The following CACNA1C variants were observed in gnomAD, a reference collection of about 807,000 sequenced individuals.
CACNA1C encodes voltage-dependent L-type calcium channel subunit alpha-1C.
In CACNA1C, 30 loss-of-function variants were observed where a neutral mutation model predicts 229.0. The ratio of observed to expected loss-of-function variants is 0.13; its 90% confidence interval spans 0.10 to 0.18. The LOEUF is 0.18. CACNA1C is among the 10% of genes least tolerant of loss of function. CACNA1C has a pLI of 1.00. For synonymous variants in CACNA1C, 1,114 were observed against 1,132.5 expected, an observed-to-expected ratio of 0.98 and a Z score of 0.33; for missense variants, 1,658 against 2,845.0, an observed-to-expected ratio of 0.58 and a Z score of 9.49.
chr12:2,042,992 C>T (rs181733195), intron 1 of CACNA1C, among the ~76,000 whole-genome samples: 106 of 152,250 alleles, frequency 7.0e-4, no homozygotes, highest in Admixed American at 1.2e-3. Context: ...AAGAGGAAGA[C>T]GTGTTTTGGG....
intron 3 of CACNA1C, among the ~76,000 whole-genome samples, chr12:2,126,018 G>T (rs931707271): frequency 1.3e-5 from 2 of 152,160 alleles, no homozygotes; most frequent in African/African-American, 4.8e-5. Flanking sequence ...CAAACGCATC[G>T]GCTTCCACCC....
intron 1 of CACNA1C, among the ~76,000 whole-genome samples, chr12:2,082,999 C>T (rs1483745652): frequency 6.6e-6 from 1 of 152,124 alleles, no homozygotes; most frequent in South Asian, 2.1e-4. Context: ...ATGGACTGTG[C>T]TGTTTGGTTT....
rs2091732488 is a variant in CACNA1C at position 2,633,953 on chromosome 12, G to A, written c.3829-344G>A. ...GCTCTGCCCGGCGCTGCCGGGCTGGGGCGTGGAGCTGAGCAGAGGGAGTGG... is the reference window on the plus strand; with the variant it reads ...GCTCTGCCCGGCGCTGCCGGGCTGGAGCGTGGAGCTGAGCAGAGGGAGTGG... On this transcript the variant is annotated intron_variant, in intron 29 of 46. Coordinates refer to ENST00000399655, the MANE Select transcript of CACNA1C (RefSeq NM_000719.7). This position sits in a 1 kb window ranked among gnomAD's most constrained non-coding sequence, Gnocchi z 5.8. 6.6e-6 allele frequency among the ~76,000 whole-genome samples: 1 copy of A among 152,128 alleles called. No individual in the cohort carries two copies. Among genetic ancestry groups the A allele is most frequent in the Admixed American group, 6.5e-5 (1 of 15,290 alleles).
intron 3 of CACNA1C, among the ~76,000 whole-genome samples, chr12:2,427,847 T>G (rs767256920): frequency 2.0e-5 from 3 of 152,108 alleles, no homozygotes; most frequent in Non-Finnish European, 4.4e-5. Context: ...CTTGAACTCC[T>G]TACCTCAAGT....
chr12:2,380,373 A>G (rs1458386897), intron 3 of CACNA1C, among the ~76,000 whole-genome samples: 2 of 152,176 alleles, frequency 1.3e-5, no homozygotes, highest in African/African-American at 4.8e-5. Context: ...AATTGAGGTG[A>G]CTAAAAAGCA....
chr12:2,326,412 C>T (rs1238676473), intron 3 of CACNA1C, among the ~76,000 whole-genome samples: 1 of 152,164 alleles, frequency 6.6e-6, no homozygotes, highest in Non-Finnish European at 1.5e-5. Context: ...GCTCTTCTAG[C>T]AATTTGGATG....
chr12:2,022,775 G>T (rs1165008289), intron 1 of CACNA1C, among the ~76,000 whole-genome samples: 2 of 152,098 alleles, frequency 1.3e-5, no homozygotes, highest in African/African-American at 4.8e-5. Flanking sequence ...TTAGCCTACG[G>T]TAAAATGGGT....
intron 30 of CACNA1C, among the ~76,000 whole-genome samples, chr12:2,637,415 C>T (rs1018514811): frequency 6.6e-6 from 1 of 152,180 alleles, no homozygotes. Context: ...AACTTACAAC[C>T]CACAGTCGAA....
At chr12:2,236,548 G>A (rs901040043) in intron 3 of CACNA1C, among the ~76,000 whole-genome samples, 1 of 151,838 alleles carries the variant, frequency 6.6e-6, no homozygotes, top group African/African-American at 2.4e-5. Context: ...CCCCTTTTTC[G>A]TATCTTTGCC....
At chr12:1,993,411 A>C in intron 1 of CACNA1C, 1 of 1,606,450 alleles carries the variant, frequency 6.2e-7, no homozygotes, top group Non-Finnish European at 8.5e-7. Flanking sequence ...ACAAGGAGTC[A>C]GGGGGAAATC....
In CACNA1C at chr12:2,287,160, C is replaced by T. The variant is rs963168665; in HGVS notation, c.478-161816C>T. ...CTGGGTTTCTCAAATTATGGCTTTT[C>T]CTCCTTCATGGTCTCCTGGTACTTT... On this transcript the variant is annotated intron_variant, in intron 3 of 46. Transcript: ENST00000399655. This position sits in a 1 kb window ranked among gnomAD's most constrained non-coding sequence, Gnocchi z 4.6. Among the ~76,000 whole-genome samples the T allele has an allele frequency of 6.6e-6, 1 of 152,182 alleles. No individual in the cohort carries two copies. The highest frequency in any genetic ancestry group is 1.5e-5 in the Non-Finnish European group (1 of 68,024).
chr12:2,635,082 TG>T (rs2092294281), intron 30 of CACNA1C, among the ~76,000 whole-genome samples: 1 of 152,176 alleles, frequency 6.6e-6, no homozygotes. Flanking sequence ...AGAGCTGCTC[TG>T]GGTGGACCTT....
At chr12:2,489,358 G>A (rs1309368755) in intron 6 of CACNA1C, among the ~76,000 whole-genome samples, 1 of 152,190 alleles carries the variant, frequency 6.6e-6, no homozygotes, top group East Asian at 1.9e-4. Context: ...AATTGTCCAG[G>A]TGAGCCATGT....
chr12:2,385,265 C>T (rs186975052), intron 3 of CACNA1C, among the ~76,000 whole-genome samples: 7 of 152,074 alleles, frequency 4.6e-5, no homozygotes, highest in Admixed American at 3.3e-4. Context: ...ACAGGAAGAC[C>T]GGCCCCCTCA....
At chr12:2,561,577 A>C (rs2047512806) in intron 11 of CACNA1C, among the ~76,000 whole-genome samples, 1 of 152,224 alleles carries the variant, frequency 6.6e-6, no homozygotes. Flanking sequence ...ACTCAGTGTG[A>C]GCCCCACAGG....
intron 3 of CACNA1C, among the ~76,000 whole-genome samples, chr12:2,216,388 C>G (rs2059976951): frequency 6.6e-6 from 1 of 152,158 alleles, no homozygotes; most frequent in Non-Finnish European, 1.5e-5. Context: ...AGCAGGCACG[C>G]AGTCCACAAT....
chr12:2,326,611 CT>C, intron 3 of CACNA1C, among the ~76,000 whole-genome samples: 1 of 152,210 alleles, frequency 6.6e-6, no homozygotes, highest in East Asian at 1.9e-4. Flanking sequence ...CCCCTGCCTC[CT>C]AGCTCTCGCC....
intron 1 of CACNA1C, among the ~76,000 whole-genome samples, chr12:2,071,168 C>G (rs11062104): frequency 0.062 from 781 of 12,558 alleles, 146 homozygotes; most frequent in South Asian, 0.12. Context: ...CTCCCTCCCT[C>G]CCTCCCTGCC....
At chr12:2,163,482 T>C (rs1330368262) in intron 3 of CACNA1C, among the ~76,000 whole-genome samples, 2 of 152,162 alleles carry the variant, frequency 1.3e-5, no homozygotes. Flanking sequence ...CACCCTGCTA[T>C]TGATAGCCTA....
Sources: gnomAD v4.1 joint callset for allele counts (sites outside exome capture counted in the v4.1 genomes callset) on GRCh38, gnomAD v4.1.1 for gene constraint, Gnocchi (gnomAD v3.1) non-coding constraint, MANE v1.5 for transcripts, NCBI Gene and HGNC (gene_info 2026-07-23, HGNC 2026-07-21) for gene names.